The following CDC23 variants were observed in gnomAD, a reference collection of about 807,000 sequenced individuals.
CDC23 encodes the protein cell division cycle protein 23 homolog.
A neutral mutation model predicts 81.7 loss-of-function variants in CDC23; 26 were observed. The ratio of observed to expected loss-of-function variants is 0.32; its 90% CI spans 0.23 to 0.44. The LOEUF is 0.44. CDC23 is among the 20% of genes least tolerant of loss of function. CDC23 has a pLI of 1.00. For missense variants in CDC23, 519 were observed against 728.0 expected, an observed-to-expected ratio of 0.71 and a Z score of 3.30; for synonymous variants, 267 against 270.8, an observed-to-expected ratio of 0.99 and a Z score of 0.14.
intron 9 of CDC23, among the ~76,000 whole-genome samples, chr5:138,195,583 T>C (rs533229764): frequency 5.4e-4 from 31 of 56,958 alleles, no homozygotes; most frequent in East Asian, 2.1e-3. Flanking sequence ...TATAATATAT[T>C]ATATATAATA....
chr5:138,202,001 C>A (rs1754994876), intron 4 of CDC23, 112 bp downstream of exon 4: 1 of 734,720 alleles, frequency 1.4e-6, no homozygotes, highest in Non-Finnish European at 2.3e-6. Context: ...AGGTGCTTTC[C>A]AATTTGTAAT....
At chr5:138,203,671 G>T (rs1317139260) in intron 3 of CDC23, among the ~76,000 whole-genome samples, 1 of 152,106 alleles carries the variant, frequency 6.6e-6, no homozygotes, top group East Asian at 1.9e-4. Flanking sequence ...TAGCACTTTG[G>T]GAGGCCGAGG....
chr5:138,209,838 A>T (rs1755094166), intron 2 of CDC23, among the ~76,000 whole-genome samples: 1 of 151,938 alleles, frequency 6.6e-6, no homozygotes, highest in African/African-American at 2.4e-5. Context: ...AAAAAAAAAA[A>T]TTGAGAGTAA....
intron 12 of CDC23, 79 bp from the exon 13 acceptor site, chr5:138,191,614 A>C: frequency 7.4e-7 from 1 of 1,352,476 alleles, no homozygotes; most frequent in South Asian, 1.2e-5. Flanking sequence ...AAGACCCTGC[A>C]AGCCTCCCAG....
chr5:138,207,833 G>A (rs755894998), intron 2 of CDC23, among the ~76,000 whole-genome samples: 3 of 151,926 alleles, frequency 2.0e-5, no homozygotes, highest in South Asian at 2.1e-4. Flanking sequence ...ACTATGTGCC[G>A]GGGGTCCCAG....
At chr5:138,189,196 T>C (rs1449428689) in intron 15 of CDC23, 48 bp from the exon 16 acceptor site, 1 of 1,560,898 alleles carries the variant, frequency 6.4e-7, no homozygotes, top group East Asian at 2.3e-5. Flanking sequence ...AAAGCTAGTC[T>C]CGAAAACAAG....
At chr5:138,199,850 G>C (rs980453445) in intron 6 of CDC23, among the ~76,000 whole-genome samples, 2 of 152,186 alleles carry the variant, frequency 1.3e-5, no homozygotes, top group African/African-American at 4.8e-5. Context: ...GTGAATAAAA[G>C]TAAACCAAGA....
intron 2 of CDC23, 73 bp from the exon 3 acceptor site, chr5:138,206,757 G>T: frequency 7.1e-7 from 1 of 1,413,572 alleles, no homozygotes; most frequent in Non-Finnish European, 9.6e-7. Context: ...AAGTATATTC[G>T]TTAATTTCAA....
intron 3 of CDC23, among the ~76,000 whole-genome samples, chr5:138,205,448 T>C (rs1266511080): frequency 6.6e-6 from 1 of 152,154 alleles, no homozygotes; most frequent in Non-Finnish European, 1.5e-5. Context: ...AGACTAATAC[T>C]GCATGATTCC....
chr5:138,195,735 TATAATATATATGTATATATATAC>T (rs1754891147), intron 9 of CDC23, among the ~76,000 whole-genome samples: 1 of 118,490 alleles, frequency 8.4e-6, no homozygotes, highest in Non-Finnish European at 1.7e-5. Context: ...TATATATACA[TATAATATATATGTATATATATAC>T]ATATATTATA....
At chr5:138,203,022 T>C (rs1755006029) in intron 3 of CDC23, among the ~76,000 whole-genome samples, 1 of 152,142 alleles carries the variant, frequency 6.6e-6, no homozygotes, top group Non-Finnish European at 1.5e-5. Flanking sequence ...AAAATTAACA[T>C]TAGCAGTGAG....
chr5:138,210,904 T>C (rs555418478), intron 2 of CDC23, among the ~76,000 whole-genome samples: 2 of 152,338 alleles, frequency 1.3e-5, no homozygotes, highest in East Asian at 1.9e-4. Context: ...GGAACACTTA[T>C]ACACTGTTGA....
intron 8 of CDC23, 61 bp from the exon 9 acceptor site, chr5:138,198,341 T>G (rs2231476): frequency 6.3e-7 from 1 of 1,580,658 alleles, no homozygotes; most frequent in African/African-American, 1.3e-5. Context: ...TTATTTTTCC[T>G]GTAGCTAATA....
rs1267876557 is a variant in CDC23, at chr5:138,192,533, C to T, written c.1137G>A (p.Lys379=). The change falls in exon 10 of 16, where the codon AAG becomes AAA. Residue 379 remains lysine (K), a synonymous_variant. Transcript: ENST00000394886. ...AAGCCTGGATAGCAGCAGACGTGTT[C>T]TTCATCTCCATGTACTCATGTCCCA... is the stretch of plus-strand genomic sequence containing the variant. The part of the protein sequence containing the change: ...TLMGHEYMEM[K]NTSAAIQAYR... 1 of 1,613,992 alleles carries T rather than the reference C, an allele frequency of 6.2e-7. No homozygotes were observed. The highest frequency in any genetic ancestry group is 1.3e-5 in the African/African-American group (1 of 74,914).
In CDC23 at chr5:138,198,719, C is replaced by A; in HGVS notation, c.718G>T (p.Glu240Ter). Residue 240 changes from glutamate to a stop codon, truncating the protein, a stop_gained, in exon 7 of 16, where the codon GAG becomes TAG. Transcript: ENST00000394886. LOFTEE classifies it high-confidence loss of function. The stretch of plus-strand genomic sequence containing the variant: ...AGGGCCTCCTCTATCAACTGCAACT[C>A]TGTGTATATATGAGCCAGAAAAAAC... ...KEFFLAHIYT[E>*]LQLIEEALQK... The A allele has an allele frequency of 6.2e-7, 1 of 1,614,140 alleles. No homozygotes were observed. The highest frequency in any genetic ancestry group is 1.1e-5 in the South Asian group (1 of 91,072).
chr5:138,206,714 T>C (rs1755053706), intron 2 of CDC23, 30 bp from the exon 3 acceptor site: 1 of 1,594,924 alleles, frequency 6.3e-7, no homozygotes, highest in Non-Finnish European at 8.5e-7. Flanking sequence ...ATGTAAGTGG[T>C]TGGGAATAGG....
chr5:138,212,940 G>C, intron 2 of CDC23, 51 bp downstream of exon 2: 1 of 1,517,118 alleles, frequency 6.6e-7, no homozygotes. Context: ...AGTGGCTCTT[G>C]AGGCACACCC....
chr5:138,206,554 C>G lies in CDC23; in HGVS notation c.365G>C (p.Arg122Thr). Residue 122 changes from arginine to threonine, a missense_variant, in exon 3 of 16, where the codon AGA (arginine) becomes ACA (threonine). By Grantham distance (71) the Arg-to-Thr change is moderately conservative (BLOSUM62 -1). Around this residue, in one of 4 missense-constraint regions of CDC23, gnomAD observed 180 missense variants for 239.3 expected, o/e 0.75. Coordinates refer to ENST00000394886, the MANE Select transcript of CDC23 (RefSeq NM_004661.4). ...TTTTAAAATGGCCCTCACCAGATAT[C>G]TGGAATACATATACAGAAAATAGGC... ...KKAYFLYMYS[R>T]YLSGEKKKDD... The G allele has an allele frequency of 6.2e-7, 1 of 1,614,132 alleles. No individual in the cohort carries two copies. The highest frequency in any genetic ancestry group is 1.6e-4 in the Middle Eastern group (1 of 6,062).
Position 138,188,844 on chromosome 5 carries a change from C to G in CDC23, c.*134G>C, listed in dbSNP as rs1167421095. 3 of 724,010 alleles carry G rather than the reference C, an allele frequency of 4.1e-6. No homozygotes were observed. The highest frequency in any genetic ancestry group is 6.4e-6 in the Non-Finnish European group (3 of 465,158). The allele number at this position is 724,010 out of a possible 1,614,324, so 44.8% of individuals were successfully genotyped here. On this transcript the variant is annotated 3_prime_UTR_variant, in exon 16 of 16. Transcript: ENST00000394886. ...TGGCCTCTGAAGGTAATTATACAAG[C>G]TGTCCCTATGGAGCTGTTGCCATCT...
Sources: allele counts gnomAD v4.1 joint callset (sites outside exome capture counted in the v4.1 genomes callset), GRCh38; gene constraint gnomAD v4.1.1; regional missense constraint gnomAD v4.1.1; transcripts MANE v1.5; gene names NCBI Gene and HGNC (gene_info 2026-07-23, HGNC 2026-07-21).